Variants in CNTN5 observed in about 807,000 individuals in gnomAD.
CNTN5 encodes the protein contactin 5, also known as contactin-5.
A neutral mutation model predicts 129.1 loss-of-function variants in CNTN5; 77 were observed. The observed-to-expected ratio is 0.60, with a 90% CI of 0.50 to 0.72. The LOEUF (loss-of-function observed/expected upper bound fraction) is 0.72, where lower values mean the gene tolerates loss of function less well. Ranked by LOEUF, CNTN5 falls within the 30% of genes least tolerant of loss-of-function variation. The probability of loss-of-function intolerance (pLI) is 0.00; values close to 1 mark genes in which losing one functional copy is unlikely to be tolerated. For missense variants in CNTN5, 1,478 were observed against 1,328.8 expected (o/e 1.11, Z -1.75); for synonymous variants, 509 against 465.6 (o/e 1.09, Z -1.20).
chr11:100,049,689 C>A (rs565106618), intron 9 of CNTN5, among the ~76,000 whole-genome samples: 3 of 152,232 alleles, frequency 2.0e-5, no homozygotes, highest in East Asian at 3.9e-4. Context: ...GAACAGGCAA[C>A]CTACAAAATG....
intron 4 of CNTN5, among the ~76,000 whole-genome samples, chr11:99,843,490 CT>C (rs1338229717): frequency 2.0e-5 from 3 of 151,904 alleles, no homozygotes; most frequent in Admixed American, 1.3e-4. Context: ...TATTTTTATA[CT>C]TTTTTTCTGA....
chr11:99,116,264 CAAT>C (rs1312983807), intron 1 of CNTN5, among the ~76,000 whole-genome samples: 2 of 152,106 alleles, frequency 1.3e-5, no homozygotes, highest in Non-Finnish European at 2.9e-5. Flanking sequence ...GCATTTTCCA[CAAT>C]AATATTTTAT....
intron 3 of CNTN5, among the ~76,000 whole-genome samples, chr11:99,624,037 A>C (rs1951045920): frequency 6.6e-6 from 1 of 152,156 alleles, no homozygotes. Flanking sequence ...CTAAGAACTA[A>C]AGAAAAGTTA....
chr11:100,294,115 G>C (rs1394442637), intron 18 of CNTN5, among the ~76,000 whole-genome samples: 3 of 151,496 alleles, frequency 2.0e-5, no homozygotes, highest in Non-Finnish European at 4.4e-5. Context: ...CCTGTCCCAG[G>C]TCTCGAAAAG....
At position 99,371,146 on chromosome 11, in the gene CNTN5, C is replaced by T. The variant is rs1229287540; in HGVS notation, c.-71+45662C>T. Among the ~76,000 whole-genome samples, 16 of 151,974 alleles carry T rather than the reference C, an allele frequency of 1.1e-4. 1 individual carries two copies. Among genetic ancestry groups the T allele is most frequent in the African/African-American group, 3.6e-4 (15 of 41,384 alleles). On this transcript the variant is annotated intron_variant, in intron 2 of 24. Coordinates refer to ENST00000524871, the MANE Select transcript of CNTN5 (RefSeq NM_014361.4). ...ATGTTTTTTATACCACATATAGATC[C>T]TTACCTAGTGAAGAAATCTTTGTTG... is the stretch of plus-strand genomic sequence containing the variant.
chr11:99,826,205 G>T (rs888086624), intron 4 of CNTN5, among the ~76,000 whole-genome samples: 1 of 151,776 alleles, frequency 6.6e-6, no homozygotes, highest in African/African-American at 2.4e-5. Context: ...GGTTTTCTTT[G>T]CAAGTACATG....
intron 15 of CNTN5, among the ~76,000 whole-genome samples, chr11:100,220,053 G>A (rs1195827786): frequency 6.6e-6 from 1 of 152,066 alleles, no homozygotes; most frequent in African/African-American, 2.4e-5. Flanking sequence ...TGAGGTGGGT[G>A]GATCATGAGG....
At chr11:99,069,216 C>G (rs887352910) in intron 1 of CNTN5, among the ~76,000 whole-genome samples, 6 of 152,048 alleles carry the variant, frequency 3.9e-5, no homozygotes, top group Admixed American at 1.3e-4. Context: ...TACAACCCTC[C>G]TTTCAGATAA....
intron 15 of CNTN5, 76 bp downstream of exon 15, chr11:100,193,739 C>A: frequency 8.1e-7 from 1 of 1,230,986 alleles, no homozygotes. Context: ...CCTTGCTTAG[C>A]TATGAAGTGC....
intron 1 of CNTN5, among the ~76,000 whole-genome samples, chr11:99,124,466 T>C (rs1858517591): frequency 6.6e-6 from 1 of 151,922 alleles, no homozygotes; most frequent in Non-Finnish European, 1.5e-5. Context: ...AATCATAACA[T>C]CTACAAACAG....
intron 17 of CNTN5, among the ~76,000 whole-genome samples, chr11:100,267,608 A>G (rs1242544101): frequency 6.6e-6 from 1 of 152,076 alleles, no homozygotes; most frequent in African/African-American, 2.4e-5. Flanking sequence ...GAGCAACTAG[A>G]GCAAAAGTAT....
chr11:100,100,284 T>C (rs1420540956), intron 13 of CNTN5, among the ~76,000 whole-genome samples: 1 of 152,144 alleles, frequency 6.6e-6, no homozygotes, highest in Non-Finnish European at 1.5e-5. Context: ...GTTTCCAGAA[T>C]ATCCAGAAAA....
At chr11:99,745,393 T>G (rs2218237) in intron 3 of CNTN5, among the ~76,000 whole-genome samples, 47,079 of 152,060 alleles carry the variant, frequency 0.31, 7,924 homozygotes, top group East Asian at 0.55. Context: ...CGGTGTTCAT[T>G]TATCTACAGA....
intron 18 of CNTN5, among the ~76,000 whole-genome samples, chr11:100,275,082 A>G (rs1338815726): frequency 9.1e-6 from 1 of 109,522 alleles, no homozygotes; most frequent in African/African-American, 3.1e-5. Context: ...TTTTCCATAT[A>G]AAAATTAAAC....
intron 3 of CNTN5, among the ~76,000 whole-genome samples, chr11:99,564,531 A>G (rs1231653483): frequency 1.3e-5 from 2 of 152,226 alleles, no homozygotes; most frequent in African/African-American, 4.8e-5. Context: ...AAAGAACTTT[A>G]AAACTCTGTA....
At chr11:99,648,110 T>A (rs1952031459) in intron 3 of CNTN5, among the ~76,000 whole-genome samples, 1 of 151,950 alleles carries the variant, frequency 6.6e-6, no homozygotes, top group Non-Finnish European at 1.5e-5. Context: ...TTTGCCTAAC[T>A]TGTCGAGTGA....
intron 3 of CNTN5, among the ~76,000 whole-genome samples, chr11:99,696,180 G>A (rs1374573095): frequency 6.6e-6 from 1 of 152,054 alleles, no homozygotes; most frequent in Non-Finnish European, 1.5e-5. Flanking sequence ...TAAGCCTGGA[G>A]CATTGTGTGA....
chr11:100,350,986 C>T (rs151274929), intron 24 of CNTN5, 116 bp downstream of exon 24: 14 of 722,522 alleles, frequency 1.9e-5, no homozygotes, highest in African/African-American at 5.4e-5. Context: ...AGGGATTTCT[C>T]CTCTCTGATT....
chr11:99,484,686 C>A (rs2466898), intron 2 of CNTN5, among the ~76,000 whole-genome samples: 152,126 of 152,126 alleles, frequency 1, 76,063 homozygotes, highest in Non-Finnish European at 1. Flanking sequence ...TGTATTACAC[C>A]ATAGAATACT....
Sources: allele counts gnomAD v4.1 joint callset (sites outside exome capture counted in the v4.1 genomes callset), GRCh38; gene constraint gnomAD v4.1.1; transcripts MANE v1.5; gene names NCBI Gene and HGNC (gene_info 2026-07-23, HGNC 2026-07-21).